The following FBXO27 variants were observed in gnomAD, a reference collection of about 807,000 sequenced individuals.
The protein encoded by FBXO27 is F-box only protein 27.
Under a neutral mutation model 28.3 loss-of-function variants are expected in FBXO27, and 28 were observed. The observed-to-expected ratio is 0.99, with a 90% confidence interval of 0.73 to 1.36. The LOEUF (loss-of-function observed/expected upper bound fraction) is 1.36, where lower values mean the gene tolerates loss of function less well. Ranked by LOEUF, FBXO27 falls within the 40% of genes most tolerant of loss-of-function variation. The pLI is 0.00. For synonymous variants in FBXO27, 175 were observed against 167.3 expected (o/e 1.05, Z -0.36); for missense variants, 388 against 394.1 (o/e 0.98, Z 0.13).
chr19:39,019,326 G>T (rs979441360), downstream of FBXO27, among the ~76,000 whole-genome samples: 3 of 150,008 alleles, frequency 2.0e-5, no homozygotes, highest in African/African-American at 7.3e-5. Context: ...TCGGGAGGCT[G>T]AGGCAAGAGA....
Position 39,031,088 on chromosome 19 carries a change from C to G in FBXO27, c.513G>C (p.Glu171Asp), listed in dbSNP as rs2072899605. ...CCAGCAGTTCTGGCCACAGACCCTC[C>G]TCCTCTAGGTCCAAGACCTGCTTCT... is the stretch of plus-strand genomic sequence containing the variant. ...CCKKQVLDLE[E>D]EGLWPELLDS... The change falls in exon 4 of 6, where the codon GAG (glutamate) becomes GAC (aspartate). Residue 171 changes from glutamate (E) to aspartate (D), a missense_variant. Coordinates refer to ENST00000292853, the MANE Select transcript of FBXO27 (RefSeq NM_178820.5). 6.2e-7 allele frequency: 1 copy of G among 1,614,038 alleles called. No homozygotes were observed. The highest frequency in any genetic ancestry group is 8.5e-7 in the Non-Finnish European group (1 of 1,180,028).
chr19:39,020,095 G>GA (rs1187135405), downstream of FBXO27, among the ~76,000 whole-genome samples: 2 of 151,942 alleles, frequency 1.3e-5, no homozygotes, highest in African/African-American at 4.8e-5. Flanking sequence ...CCCTATTCTG[G>GA]AAAAAATGCC....
intron 4 of FBXO27, chr19:39,030,814 G>A (rs2072897899): frequency 5.1e-6 from 3 of 589,720 alleles, no homozygotes; most frequent in South Asian, 2.0e-5. Flanking sequence ...TGCCATGCTG[G>A]TTGGGCTGGT....
chr19:39,018,413 C>T (rs1255964137), intron 1 of FBXO27, among the ~76,000 whole-genome samples: 2 of 152,238 alleles, frequency 1.3e-5, no homozygotes, highest in African/African-American at 2.4e-5. Context: ...TCCAGGAGTT[C>T]GTTTCTCCAG....
chr19:39,006,291 C>A (rs971571065), intron 2 of FBXO27, among the ~76,000 whole-genome samples: 4 of 152,034 alleles, frequency 2.6e-5, no homozygotes, highest in Non-Finnish European at 4.4e-5. Context: ...GGCAAGGTGG[C>A]CTACTCCTGT....
chr19:39,023,753 A>G (rs946086363), downstream of FBXO27, among the ~76,000 whole-genome samples: 1 of 152,094 alleles, frequency 6.6e-6, no homozygotes, highest in African/African-American at 2.4e-5. Context: ...AACTGGGATT[A>G]CAGGCGCGTG....
At chr19:39,012,372 T>C (rs901785528) in intron 2 of FBXO27, among the ~76,000 whole-genome samples, 2 of 150,616 alleles carry the variant, frequency 1.3e-5, no homozygotes, top group Non-Finnish European at 3.0e-5. Context: ...TTAATAGAGA[T>C]GGGGTTTCTC....
At chr19:39,016,544 G>A (rs2072820822) in intron 1 of FBXO27, among the ~76,000 whole-genome samples, 1 of 146,228 alleles carries the variant, frequency 6.8e-6, no homozygotes, top group Non-Finnish European at 1.5e-5. Context: ...TTGAACTCAG[G>A]AGTTCGAGAC....
At chr19:39,027,492 T>C (rs973414790) in intron 4 of FBXO27, among the ~76,000 whole-genome samples, 2 of 152,308 alleles carry the variant, frequency 1.3e-5, no homozygotes, top group East Asian at 3.9e-4. Context: ...CCTGATGCCA[T>C]GGGAGAAGGA....
intron 4 of FBXO27, among the ~76,000 whole-genome samples, chr19:39,029,363 G>T (rs1215874616): frequency 6.8e-6 from 1 of 147,850 alleles, no homozygotes; most frequent in East Asian, 2.0e-4. Flanking sequence ...GGAGGTAGAG[G>T]TTGCAGTGAT....
chr19:39,017,328 C>T lies in FBXO27; in HGVS notation c.92-2781G>A, dbSNP rs568096033. On this transcript the variant is annotated intron_variant, in intron 1 of 2. Transcript: ENST00000598394. ...TTTTATACACACACAATGATTTTTG[C>T]AGCTTTCCCTAATCCAGATGATCCT... Among the ~76,000 whole-genome samples, 3 of 152,256 alleles carry T rather than the reference C, an allele frequency of 2.0e-5. No individual in the cohort carries two copies. The South Asian group carries it at 6.2e-4, about 32-fold the overall frequency.
rs1324292549 is a variant in FBXO27, at chr19:39,028,338, A to G, written c.573-1333T>C. On this transcript the variant is annotated intron_variant, in intron 4 of 5. Coordinates refer to ENST00000292853, the MANE Select transcript of FBXO27 (RefSeq NM_178820.5). ...ATTTTATGTTTTAAAAGCTACCTTT[A>G]TGAGGTGCGGCAAAATTTGGGAGCC... Among the ~76,000 whole-genome samples the G allele has an allele frequency of 4.6e-5, 7 of 152,224 alleles. No individual in the cohort carries two copies. In the East Asian group the frequency reaches 1.3e-3, roughly 29 times the overall value.
rs1159423429 is a variant in FBXO27, at chr19:39,009,705, G to A, written c.252+4682C>T. ...TATTTTGGATACTAGACCCTTATCA[G>A]ATATATAATTTGCAAAACATTCTCT... On this transcript the variant is annotated intron_variant, in intron 2 of 2. Transcript: ENST00000598394. 2.6e-5 allele frequency among the ~76,000 whole-genome samples: 4 copies of A among 152,008 alleles called. No individual in the cohort carries two copies. The East Asian group carries it at 7.7e-4, about 29-fold the overall frequency.
chr19:39,026,444 TCA>T (rs1403031450), intron 5 of FBXO27, among the ~76,000 whole-genome samples: 2 of 151,998 alleles, frequency 1.3e-5, no homozygotes, highest in Admixed American at 6.6e-5. Flanking sequence ...AATTACTGAC[TCA>T]CAGAAATCAC....
At chr19:39,028,771 G>A (rs1046268161) in intron 4 of FBXO27, among the ~76,000 whole-genome samples, 6 of 152,130 alleles carry the variant, frequency 3.9e-5, no homozygotes, top group African/African-American at 1.2e-4. Flanking sequence ...GCTGAGGCAG[G>A]AGAATCACTT....
chr19:39,022,728 T>C (rs2072851498), downstream of FBXO27, among the ~76,000 whole-genome samples: 1 of 152,216 alleles, frequency 6.6e-6, no homozygotes. Flanking sequence ...GCGATTCTCC[T>C]GCCTCAGACT....
chr19:39,031,720 G>A, intron 2 of FBXO27, 144 bp downstream of exon 2: 1 of 1,304,048 alleles, frequency 7.7e-7, no homozygotes, highest in Admixed American at 3.4e-5. Context: ...ATGCTGCCCC[G>A]CCTCTCCGAC....
intron 1 of FBXO27, among the ~76,000 whole-genome samples, chr19:39,017,819 C>A (rs944042422): frequency 6.6e-6 from 1 of 152,038 alleles, no homozygotes; most frequent in African/African-American, 2.4e-5. Flanking sequence ...GTTGCTGCAA[C>A]CTGTGGGCTG....
At chr19:39,017,315 A>G (rs2072824748) in intron 1 of FBXO27, among the ~76,000 whole-genome samples, 1 of 152,196 alleles carries the variant, frequency 6.6e-6, no homozygotes, top group Non-Finnish European at 1.5e-5. Context: ...TTATACACAC[A>G]CAATGATTTT....
Sources: allele counts gnomAD v4.1 joint callset (sites outside exome capture counted in the v4.1 genomes callset), GRCh38; gene constraint gnomAD v4.1.1; transcripts MANE v1.5; gene names NCBI Gene and HGNC (gene_info 2026-07-23, HGNC 2026-07-21).